Variants in TRANK1 observed in about 807,000 individuals in gnomAD.
TRANK1 encodes tetratricopeptide repeat and ankyrin repeat containing 1, also known as TPR and ankyrin repeat-containing protein 1.
In TRANK1, 198 loss-of-function variants were observed where a neutral mutation model predicts 266.0. The observed-to-expected ratio is 0.74, with a 90% CI of 0.66 to 0.84. The LOEUF (loss-of-function observed/expected upper bound fraction) is 0.84. TRANK1 is among the 40% of genes least tolerant of loss of function. The pLI, the probability that TRANK1 is intolerant of heterozygous loss-of-function variation, is 0.00. For missense variants in TRANK1, 3,326 were observed against 3,634.6 expected (o/e 0.92, Z 2.18); for synonymous variants, 1,396 against 1,384.1 (o/e 1.01, Z -0.19).
chr3:36,894,660 G>A (rs886759679), intron 5 of TRANK1, among the ~76,000 whole-genome samples: 1 of 152,166 alleles, frequency 6.6e-6, no homozygotes, highest in South Asian at 2.1e-4. Context: ...CATGACAAGA[G>A]AGCCCCACAG....
chr3:36,900,271 A>C (rs7355854), intron 3 of TRANK1, among the ~76,000 whole-genome samples: 8,122 of 152,268 alleles, frequency 0.053, 375 homozygotes, highest in African/African-American at 0.13. Flanking sequence ...TGAGATTGAC[A>C]TGAAAACAAA....
Position 36,879,871 on chromosome 3 carries a change from C to CAAATATATGTAAAT in TRANK1, c.908-5576_908-5575insATTTACATATATTT, listed in dbSNP as rs1257010317. On this transcript the variant is annotated intron_variant, in intron 8 of 23. Coordinates refer to ENST00000645898, the MANE Select transcript of TRANK1 (RefSeq NM_001329998.2). ...ATGTAAATATACAAATATATGTAAA[C>CAAATATATGTAAAT]ATACAAATATATGTAAACATGCAAA... is the stretch of plus-strand genomic sequence containing the variant. Among the ~76,000 whole-genome samples, 27 of 17,272 alleles carry CAAATATATGTAAAT rather than the reference C, an allele frequency of 1.6e-3. 3 individuals are homozygous for CAAATATATGTAAAT. Among genetic ancestry groups the CAAATATATGTAAAT allele is most frequent in the Middle Eastern group, 0.14 (2 of 14 alleles). The allele number at this position is 17,272 out of a possible 152,430, so 11.3% of individuals were successfully genotyped here. A position where few individuals can be genotyped will look rare whatever the true frequency, so the allele number is the denominator to read the frequency against.
At chr3:36,916,715 A>G (rs2080129037) in intron 1 of TRANK1, among the ~76,000 whole-genome samples, 1 of 152,214 alleles carries the variant, frequency 6.6e-6, no homozygotes, top group Admixed American at 6.5e-5. Context: ...AGGCAAAAGA[A>G]ATGAACTCCA....
chr3:36,915,759 C>G (rs2080115272), intron 1 of TRANK1, among the ~76,000 whole-genome samples: 1 of 152,132 alleles, frequency 6.6e-6, no homozygotes, highest in Non-Finnish European at 1.5e-5. Context: ...AACAGGAGAT[C>G]ACAGCTTAGA....
intron 23 of TRANK1, 113 bp downstream of exon 23, chr3:36,829,451 G>T: frequency 2.2e-6 from 2 of 914,936 alleles, no homozygotes; most frequent in Non-Finnish European, 3.5e-6. Flanking sequence ...GACAGTGAGA[G>T]TCCACTATTG....
chr3:36,840,034 G>T lies in TRANK1; in HGVS notation c.5281-1318C>A, dbSNP rs192783231. On this transcript the variant is annotated intron_variant, in intron 18 of 23. Coordinates refer to ENST00000645898, the MANE Select transcript of TRANK1 (RefSeq NM_001329998.2). ...TCATCTGTGCCAGTTCCCCTAAAAA[G>T]ATTTTAGATTCAAATATTCAAAAGG... 2.1e-3 allele frequency among the ~76,000 whole-genome samples: 319 copies of T among 152,184 alleles called. 2 individuals carry two copies. Among genetic ancestry groups the T allele is most frequent in the African/African-American group, 7.2e-3 (298 of 41,518 alleles).
rs1049210902 is a variant in TRANK1 at position 36,929,928 on chromosome 3, C to T, written c.23+14859G>A. 1.8e-4 allele frequency among the ~76,000 whole-genome samples: 21 copies of T among 113,954 alleles called. No homozygotes were observed. In the East Asian group the frequency reaches 1.9e-3, roughly 10 times the overall value. 74.8% of individuals were successfully genotyped at this position (113,954 alleles called of 152,430 possible). On this transcript the variant is annotated intron_variant, in intron 1 of 23. Coordinates refer to ENST00000645898, the MANE Select transcript of TRANK1 (RefSeq NM_001329998.2). Reference sequence around the variant, plus strand: ...TGTTGTTGTTGTTGTTGTTTTGAGACGGAGTTTCACTCTTGTTGCCCAGGC... The same window carrying T: ...TGTTGTTGTTGTTGTTGTTTTGAGATGGAGTTTCACTCTTGTTGCCCAGGC...
At chr3:36,844,429 G>A (rs2078888660) in intron 17 of TRANK1, among the ~76,000 whole-genome samples, 1 of 152,164 alleles carries the variant, frequency 6.6e-6, no homozygotes. Context: ...GTTTCACCAT[G>A]TTGGTCAGGC....
At chr3:36,828,441 G>C (rs1458805749) in intron 23 of TRANK1, 66 bp from the exon 24 acceptor site, 2 of 794,338 alleles carry the variant, frequency 2.5e-6, no homozygotes, top group Non-Finnish European at 2.0e-6. Context: ...AAGGAAAGAA[G>C]GAAGGAAGGA....
At chr3:36,919,579 T>C (rs1307963225) in intron 1 of TRANK1, among the ~76,000 whole-genome samples, 1 of 152,234 alleles carries the variant, frequency 6.6e-6, no homozygotes, top group African/African-American at 2.4e-5. Flanking sequence ...AAAGCTGTTA[T>C]AAATGATCCT....
intron 18 of TRANK1, among the ~76,000 whole-genome samples, chr3:36,842,421 A>G (rs1417909123): frequency 6.6e-6 from 1 of 152,202 alleles, no homozygotes; most frequent in East Asian, 1.9e-4. Flanking sequence ...CAAAATGAAG[A>G]GTTGTCATGC....
In TRANK1 at chr3:36,832,195, C is replaced by G. The variant is rs2078704547; in HGVS notation, c.7388G>C (p.Cys2463Ser). ...VALLEFQFIH[C>S]GVVLARLWKN... The stretch of plus-strand genomic sequence containing the variant: ...CCAGAGGCGGGCCAGCACCACCCCA[C>G]AGTGGATGAACTGGAACTCCAGGAG... Residue 2463 changes from cysteine (C) to serine (S), a missense_variant, in exon 22 of 24, where the codon TGT becomes TCT. Coordinates refer to ENST00000645898, the MANE Select transcript of TRANK1 (RefSeq NM_001329998.2). 6.2e-7 allele frequency: 1 copy of G among 1,613,998 alleles called. No individual in the cohort carries two copies. The highest frequency in any genetic ancestry group is 1.1e-5 in the South Asian group (1 of 91,084).
Position 36,899,101 on chromosome 3 carries a change from C to T in TRANK1, c.433+8G>A. ...ACTTTACAAAAAGTCTCCCCAGTTC[C>T]AACTTACTGCTCATAGTGGTGAAGA... On this transcript the variant is annotated splice_region_variant and intron_variant, in intron 4 of 23. Transcript: ENST00000645898. The T allele has an allele frequency of 6.5e-7, 1 of 1,536,948 alleles. No individual in the cohort carries two copies. The highest frequency in any genetic ancestry group is 1.2e-5 in the South Asian group (1 of 84,036).
chr3:36,886,434 T>C (rs1575263974), intron 8 of TRANK1, among the ~76,000 whole-genome samples: 1 of 152,020 alleles, frequency 6.6e-6, no homozygotes. Flanking sequence ...CGTTTTATCC[T>C]CCCAACTTTC....
chr3:36,861,141 G>C lies in TRANK1; in HGVS notation c.1260C>G (p.Val420=), dbSNP rs369667140. The C allele has an allele frequency of 6.6e-5, 101 of 1,537,022 alleles. No individual in the cohort carries two copies. The African/African-American group carries it at 1.2e-3, about 19-fold the overall frequency. The change falls in exon 11 of 24, where the codon GTC becomes GTG. Residue 420 remains valine (V), a synonymous_variant. Coordinates refer to ENST00000645898, the MANE Select transcript of TRANK1 (RefSeq NM_001329998.2). ...STLQEIPPDL[V]CDINQDCATT... is the part of the protein sequence containing the mutation. The stretch of plus-strand genomic sequence containing the variant: ...TGGCACAGTCTTGATTAATATCACA[G>C]ACCAGGTCAGGAGGAATTTCTTTCA...
intron 17 of TRANK1, among the ~76,000 whole-genome samples, chr3:36,844,199 G>T (rs918826638): frequency 2.0e-5 from 3 of 152,064 alleles, no homozygotes; most frequent in African/African-American, 7.2e-5. Flanking sequence ...TAGCTTCTAT[G>T]ATCTTTGGTT....
chr3:36,879,661 T>TATAAATATAC lies in TRANK1; in HGVS notation c.908-5366_908-5365insGTATATTTAT, dbSNP rs1559448214. Among the ~76,000 whole-genome samples, 134 of 113,400 alleles carry TATAAATATAC rather than the reference T, an allele frequency of 1.2e-3. 3 individuals are homozygous for TATAAATATAC. Among genetic ancestry groups the TATAAATATAC allele is most frequent in the African/African-American group, 2.3e-3 (57 of 24,734 alleles). 74.4% of individuals were successfully genotyped at this position (113,400 alleles called of 152,430 possible). ...AAATATACAAATATATATAAATATA[T>TATAAATATAC]AAATATATATAAATATATAAATATA... On this transcript the variant is annotated intron_variant, in intron 8 of 23. Transcript: ENST00000645898.
chr3:36,883,372 G>A (rs1300759524), intron 8 of TRANK1, among the ~76,000 whole-genome samples: 2 of 151,714 alleles, frequency 1.3e-5, no homozygotes, highest in Non-Finnish European at 2.9e-5. Context: ...TTGAGCCCGG[G>A]TGGGTGAGGC....
In TRANK1 at chr3:36,941,029, C is replaced by G. The variant is rs186774986; in HGVS notation, c.23+3758G>C. ...TCTAAGGGTGAGCAAAAATGATTGC[C>G]CTGGTGGCCACAGCTGAACATGAAG... On this transcript the variant is annotated intron_variant, in intron 1 of 23. Coordinates refer to ENST00000645898, the MANE Select transcript of TRANK1 (RefSeq NM_001329998.2). 6.3e-4 allele frequency among the ~76,000 whole-genome samples: 96 copies of G among 152,188 alleles called. 1 individual carries two copies. The highest frequency in any genetic ancestry group is 2.1e-3 in the African/African-American group (86 of 41,504).
Sources: gnomAD v4.1 joint callset for allele counts (sites outside exome capture counted in the v4.1 genomes callset) on GRCh38, gnomAD v4.1.1 for gene constraint, MANE v1.5 for transcripts, NCBI Gene and HGNC (gene_info 2026-07-23, HGNC 2026-07-21) for gene names.